The following MZT2B variants were observed in gnomAD, a reference collection of about 807,000 sequenced individuals.
MZT2B encodes the protein mitotic-spindle organizing protein 2B.
A neutral mutation model predicts 12.1 loss-of-function variants in MZT2B; 11 were observed. The ratio of observed to expected loss-of-function variants is 0.91; its 90% CI spans 0.57 to 1.50. The LOEUF is 1.50. Ranked by LOEUF, MZT2B falls within the 40% of genes most tolerant of loss-of-function variation. The probability of loss-of-function intolerance (pLI) is 0.00; values close to 1 mark genes in which losing one functional copy is unlikely to be tolerated. For missense variants in MZT2B, 209 were observed against 227.7 expected (o/e 0.92, Z 0.53); for synonymous variants, 85 against 109.5 (o/e 0.78, Z 1.40).
chr2:130,189,700 C>T (rs1450657900), intron 2 of MZT2B, among the ~76,000 whole-genome samples: 1 of 152,216 alleles, frequency 6.6e-6, no homozygotes, highest in Non-Finnish European at 1.5e-5. Context: ...AAATCCATCC[C>T]ATTAAAATAA....
At chr2:130,187,623 C>G (rs1458706173) in intron 2 of MZT2B, among the ~76,000 whole-genome samples, 2 of 152,150 alleles carry the variant, frequency 1.3e-5, no homozygotes, top group African/African-American at 2.4e-5. Flanking sequence ...GGTTCAATCC[C>G]ACTGTCTAGC....
At chr2:130,189,298 G>A (rs574470946) in intron 2 of MZT2B, among the ~76,000 whole-genome samples, 40 of 152,262 alleles carry the variant, frequency 2.6e-4, no homozygotes, top group African/African-American at 8.9e-4. Flanking sequence ...CAGTTTCCAC[G>A]TGCTTAGCAA....
intron 2 of MZT2B, among the ~76,000 whole-genome samples, chr2:130,185,437 G>C (rs1690023145): frequency 6.8e-6 from 1 of 147,894 alleles, no homozygotes; most frequent in Admixed American, 6.9e-5. Flanking sequence ...CCAAGAGCTT[G>C]TGACTGGACT....
chr2:130,203,989 T>C, the MZT2B span, among the ~76,000 whole-genome samples: 1 of 145,204 alleles, frequency 6.9e-6, no homozygotes, highest in Non-Finnish European at 1.5e-5. Flanking sequence ...CATTGAATGT[T>C]TGGCTGGGGT....
chr2:130,185,463 G>C (rs1427487129), intron 2 of MZT2B, among the ~76,000 whole-genome samples: 1 of 132,802 alleles, frequency 7.5e-6, no homozygotes, highest in Non-Finnish European at 1.6e-5. Context: ...CTGGGCAACA[G>C]AGCAAGACCC....
downstream of MZT2B, chr2:130,195,066 C>T: frequency 6.2e-7 from 1 of 1,612,264 alleles, no homozygotes; most frequent in Non-Finnish European, 8.5e-7. Flanking sequence ...CACATGAAAC[C>T]TTCTCTTCTT....
In MZT2B at chr2:130,190,639, A is replaced by T; in HGVS notation, c.*13A>T. On this transcript the variant is annotated 3_prime_UTR_variant, in exon 3 of 3. Coordinates refer to ENST00000281871, the MANE Select transcript of MZT2B (RefSeq NM_025029.5). The stretch of plus-strand genomic sequence containing the variant: ...GGGCAGCACCTAGGATGGGGCAGAG[A>T]CTTGTTGCATCTTTGTCCCCAGCAA... 1 of 1,590,662 alleles carries T rather than the reference A, an allele frequency of 6.3e-7. No homozygotes were observed. The highest frequency in any genetic ancestry group is 8.6e-7 in the Non-Finnish European group (1 of 1,162,640).
downstream of MZT2B, chr2:130,194,038 G>T (rs765173573): frequency 3.1e-5 from 50 of 1,614,226 alleles, 1 homozygote; most frequent in East Asian, 1.1e-3. Context: ...AGGTGGCCAG[G>T]GGGAAGTGGA....
intron 2 of MZT2B, among the ~76,000 whole-genome samples, chr2:130,188,827 A>C (rs762508293): frequency 1.3e-4 from 20 of 151,994 alleles, no homozygotes; most frequent in Non-Finnish European, 2.4e-4. Flanking sequence ...CATCTCAGAC[A>C]CAGGAGTCTC....
chr2:130,182,276 C>G lies in MZT2B; in HGVS notation c.-7C>G. ...GGGCGGAGCGCACCTTTCCGCGGGCCGCGGGGATGGCGGCGCAGGGCGTAG... is the reference window on the plus strand; with the variant it reads ...GGGCGGAGCGCACCTTTCCGCGGGCGGCGGGGATGGCGGCGCAGGGCGTAG... On this transcript the variant is annotated 5_prime_UTR_variant, in exon 1 of 3. Coordinates refer to ENST00000281871, the MANE Select transcript of MZT2B (RefSeq NM_025029.5). 5 of 1,311,818 alleles carry G rather than the reference C, an allele frequency of 3.8e-6. No individual in the cohort carries two copies. The highest frequency in any genetic ancestry group is 4.8e-6 in the Non-Finnish European group (5 of 1,039,766). 81.3% of individuals were successfully genotyped at this position (1,311,818 alleles called of 1,614,324 possible).
At chr2:130,193,959 A>G, downstream of MZT2B, 9 of 1,614,204 alleles carry the variant, frequency 5.6e-6, no homozygotes, top group Non-Finnish European at 7.6e-6. Context: ...GGCTCGAAGC[A>G]GGCATTGGTG....
At chr2:130,189,665 T>TG (rs1690187281) in intron 2 of MZT2B, among the ~76,000 whole-genome samples, 1 of 152,326 alleles carries the variant, frequency 6.6e-6, no homozygotes, top group African/African-American at 2.4e-5. Flanking sequence ...GTCTTGCCGA[T>TG]GCTGTCAACA....
intron 2 of MZT2B, chr2:130,183,917 C>T (rs1457166997): frequency 5.2e-6 from 8 of 1,550,402 alleles, no homozygotes; most frequent in Non-Finnish European, 7.0e-6. Context: ...TCTCTCCAGG[C>T]CCCCCGGGTT....
the MZT2B span, chr2:130,196,442 T>C: frequency 1.3e-6 from 2 of 1,558,572 alleles, no homozygotes; most frequent in South Asian, 2.4e-5. Context: ...ATGCAAAATA[T>C]TCTAATTTAA....
chr2:130,193,833 T>C (rs1690330609), downstream of MZT2B: 1 of 1,613,828 alleles, frequency 6.2e-7, no homozygotes, highest in Non-Finnish European at 8.5e-7. Context: ...GTGCGCTTGG[T>C]CTTGATGGTG....
chr2:130,187,470 T>C (rs937870471), intron 2 of MZT2B, among the ~76,000 whole-genome samples: 2 of 152,206 alleles, frequency 1.3e-5, no homozygotes, highest in Admixed American at 6.5e-5. Context: ...ATTACAGGCA[T>C]GAGCCACTGA....
chr2:130,200,160 G>A, the MZT2B span, among the ~76,000 whole-genome samples: 2 of 151,862 alleles, frequency 1.3e-5, 1 homozygote, highest in Admixed American at 1.3e-4. Flanking sequence ...GGGAGGCCAA[G>A]TCAGGCGGAT....
At chr2:130,182,524 C>A in intron 1 of MZT2B, 72 bp downstream of exon 1, 2 of 1,546,170 alleles carry the variant, frequency 1.3e-6, no homozygotes, top group South Asian at 2.4e-5. Context: ...TACGCCCGGC[C>A]CGCTGGTCGG....
downstream of MZT2B, among the ~76,000 whole-genome samples, chr2:130,191,481 A>G (rs1185513778): frequency 6.6e-6 from 1 of 152,238 alleles, no homozygotes; most frequent in Non-Finnish European, 1.5e-5. Context: ...CCATCAATAA[A>G]GAAGCCCGAA....
Sources: allele counts gnomAD v4.1 joint callset (sites outside exome capture counted in the v4.1 genomes callset), GRCh38; gene constraint gnomAD v4.1.1; transcripts MANE v1.5; gene names NCBI Gene and HGNC (gene_info 2026-07-23, HGNC 2026-07-21).